The following PCDH11X variants were observed in gnomAD, a reference collection of about 807,000 sequenced individuals.
The protein encoded by PCDH11X is protocadherin-11 X-linked.
Under a neutral mutation model 53.3 loss-of-function variants are expected in PCDH11X, and 18 were observed. The observed-to-expected ratio is 0.34, with a 90% confidence interval of 0.23 to 0.50. The LOEUF (loss-of-function observed/expected upper bound fraction) is 0.50. Ranked by LOEUF, PCDH11X falls within the 20% of genes least tolerant of loss-of-function variation. PCDH11X has a pLI of 0.98. For missense variants in PCDH11X, 570 were observed against 1,032.4 expected, an observed-to-expected ratio of 0.55 and a Z score of 6.14; for synonymous variants, 279 against 393.3, an observed-to-expected ratio of 0.71 and a Z score of 3.44.
chrX:91,821,532 A>C (rs1245125260), intron 4 of PCDH11X, among the ~76,000 whole-genome samples: 3 of 110,352 alleles, frequency 2.7e-5, no homozygotes, highest in African/African-American at 6.7e-5. Context: ...TTGTATCCTG[A>C]GACTTTGCTG....
intron 6 of PCDH11X, among the ~76,000 whole-genome samples, chrX:91,947,286 C>A (rs1355867832): frequency 9.2e-6 from 1 of 108,896 alleles, no homozygotes; most frequent in Non-Finnish European, 1.9e-5. Flanking sequence ...AATCTTGATG[C>A]GAAGGGCATA....
At chrX:92,444,780 T>C (rs1247858379) in intron 9 of PCDH11X, among the ~76,000 whole-genome samples, 2 of 104,632 alleles carry the variant, frequency 1.9e-5, no homozygotes, top group African/African-American at 7.0e-5. Flanking sequence ...AATCAAAAGC[T>C]TTTTCTGCAT....
chrX:92,276,316 G>A (rs777271733), intron 8 of PCDH11X, among the ~76,000 whole-genome samples: 1 of 107,060 alleles, frequency 9.3e-6, no homozygotes, highest in African/African-American at 3.4e-5. Context: ...CGAGGCGATC[G>A]GGCAGCATCA....
chrX:92,546,672 A>G (rs1602303116), intron 10 of PCDH11X, among the ~76,000 whole-genome samples: 1 of 111,727 alleles, frequency 9.0e-6, no homozygotes, highest in Non-Finnish European at 1.9e-5. Context: ...ATCCAAGTTT[A>G]CATTCATATT....
intron 6 of PCDH11X, among the ~76,000 whole-genome samples, chrX:92,007,953 G>C (rs1339616559): frequency 9.0e-6 from 1 of 110,812 alleles, no homozygotes; most frequent in Non-Finnish European, 1.9e-5. Context: ...GGAAGCTAAA[G>C]CCTGGAATGG....
intron 6 of PCDH11X, among the ~76,000 whole-genome samples, chrX:92,184,326 G>A (rs749278608): frequency 3.1e-4 from 35 of 112,052 alleles, no homozygotes; most frequent in Non-Finnish European, 6.0e-4. Context: ...AATTTAAAAT[G>A]TTTTGCATCT....
At chrX:92,137,422 C>T (rs1406676112) in intron 6 of PCDH11X, among the ~76,000 whole-genome samples, 1 of 110,990 alleles carries the variant, frequency 9.0e-6, no homozygotes, top group Admixed American at 9.7e-5. Context: ...GTCCTTAGTT[C>T]TAGCAGGCAA....
intron 10 of PCDH11X, among the ~76,000 whole-genome samples, chrX:92,519,574 A>C (rs2074332014): frequency 9.1e-6 from 1 of 110,304 alleles, no homozygotes; most frequent in African/African-American, 3.3e-5. Context: ...TCAATTTATT[A>C]TAGGGATTAG....
At chrX:92,323,315 TAGAC>T (rs960906352) in intron 8 of PCDH11X, among the ~76,000 whole-genome samples, 7 of 109,317 alleles carry the variant, frequency 6.4e-5, no homozygotes, top group Admixed American at 3.0e-4. Flanking sequence ...TTACACTACT[TAGAC>T]AGGCTGATAT....
chrX:92,563,932 G>T (rs977423154), intron 10 of PCDH11X, among the ~76,000 whole-genome samples: 21 of 110,865 alleles, frequency 1.9e-4, no homozygotes, highest in Non-Finnish European at 3.6e-4. Context: ...ACAGTTGCAG[G>T]ATACGAAGTC....
At chrX:92,278,028 C>G (rs978004672) in intron 8 of PCDH11X, among the ~76,000 whole-genome samples, 3 of 111,481 alleles carry the variant, frequency 2.7e-5, no homozygotes, top group Non-Finnish European at 3.8e-5. Flanking sequence ...AGGCTGCCTT[C>G]CCTAGTCCGT....
intron 8 of PCDH11X, among the ~76,000 whole-genome samples, chrX:92,276,810 A>C (rs1267240044): frequency 8.9e-6 from 1 of 111,799 alleles, no homozygotes. Flanking sequence ...TTTAGGGTCT[A>C]GGGCTGTAAA....
chrX:91,940,790 C>T (rs2061499786), intron 6 of PCDH11X, among the ~76,000 whole-genome samples: 1 of 107,187 alleles, frequency 9.3e-6, no homozygotes, highest in African/African-American at 3.4e-5. Context: ...GCCTCAGCCT[C>T]CCAAAGTGTT....
rs113869045 is a variant in PCDH11X, at chrX:92,423,754, C to T, written c.3343+35821C>T. ...CCATTTGTTGAATAGGGTATACTTTCGCCACTTTATGTTTTTGTTTGCTTT... is the reference window on the plus strand; with the variant it reads ...CCATTTGTTGAATAGGGTATACTTTTGCCACTTTATGTTTTTGTTTGCTTT... On this transcript the variant is annotated intron_variant, in intron 9 of 10. Transcript: ENST00000682573. 2.1e-5 allele frequency among the ~76,000 whole-genome samples: 2 copies of T among 95,702 alleles called. 1 individual carries two copies. Among genetic ancestry groups the T allele is most frequent in the East Asian group, 6.1e-4 (2 of 3,256 alleles). 83.1% of individuals were successfully genotyped at this position (95,702 alleles called of 115,157 possible). A position where few individuals can be genotyped will look rare whatever the true frequency, so the allele number is the denominator to read the frequency against.
At chrX:92,094,173 GTGTA>G (rs1369508208) in intron 6 of PCDH11X, among the ~76,000 whole-genome samples, 18 of 71,299 alleles carry the variant, frequency 2.5e-4, no homozygotes, top group Admixed American at 6.3e-4. Flanking sequence ...GTGTGTGTGT[GTGTA>G]TATATATATA....
chrX:91,827,730 C>T (rs186262957), intron 4 of PCDH11X, among the ~76,000 whole-genome samples: 60 of 111,722 alleles, frequency 5.4e-4, no homozygotes, highest in African/African-American at 1.9e-3. Context: ...TGCTTGTTTT[C>T]TTCAGCTTTG....
intron 1 of PCDH11X, among the ~76,000 whole-genome samples, chrX:91,804,905 A>G (rs200012053): frequency 1.4e-4 from 15 of 104,295 alleles, no homozygotes; most frequent in South Asian, 9.2e-4. Flanking sequence ...ATAATCAGAG[A>G]ATTTGGAAAA....
chrX:92,141,579 G>C (rs2065179999), intron 6 of PCDH11X, among the ~76,000 whole-genome samples: 1 of 111,741 alleles, frequency 8.9e-6, no homozygotes. Context: ...GAAACAGAAA[G>C]ATCATTTAAA....
intron 9 of PCDH11X, among the ~76,000 whole-genome samples, chrX:92,406,419 A>G (rs868508536): frequency 9.5e-6 from 1 of 105,656 alleles, no homozygotes; most frequent in Non-Finnish European, 1.9e-5. Flanking sequence ...TGCAATGAAT[A>G]TCATTGAGCA....
Sources: gnomAD v4.1 joint callset for allele counts (sites outside exome capture counted in the v4.1 genomes callset) on GRCh38, gnomAD v4.1.1 for gene constraint, MANE v1.5 for transcripts, NCBI Gene and HGNC (gene_info 2026-07-23, HGNC 2026-07-21) for gene names.